The following LGALS9 variants were observed in gnomAD, a reference collection of about 807,000 sequenced individuals.
The protein encoded by LGALS9 is galectin-9.
In LGALS9, 26 loss-of-function variants were observed where a neutral mutation model predicts 35.9. The ratio of observed to expected loss-of-function variants is 0.72; its 90% CI spans 0.53 to 1.01. The LOEUF (loss-of-function observed/expected upper bound fraction) is 1.01. LGALS9 is among the 50% of genes least tolerant of loss of function. The pLI is 0.00. For missense variants in LGALS9, 347 were observed against 445.8 expected, an observed-to-expected ratio of 0.78 and a Z score of 1.99; for synonymous variants, 149 against 172.2, an observed-to-expected ratio of 0.87 and a Z score of 1.06.
At chr17:27,631,978 G>T (rs562079580) in intron 1 of LGALS9, among the ~76,000 whole-genome samples, 12 of 152,118 alleles carry the variant, frequency 7.9e-5, no homozygotes, top group African/African-American at 2.4e-4. Context: ...GAGGTGAGAG[G>T]GGGGTGAGGA....
chr17:27,637,863 G>A (rs1316292662), intron 1 of LGALS9, among the ~76,000 whole-genome samples: 4 of 151,930 alleles, frequency 2.6e-5, no homozygotes, highest in Non-Finnish European at 5.9e-5. Flanking sequence ...GCTTAGCATG[G>A]GGTCCAGCAG....
intron 10 of LGALS9, 41 bp from the exon 11 acceptor site, chr17:27,648,795 G>A (rs746944802): frequency 1.2e-6 from 2 of 1,611,974 alleles, no homozygotes; most frequent in Non-Finnish European, 1.7e-6. Flanking sequence ...GAGGGTGGAG[G>A]ACTTCCCAAG....
chr17:27,634,078 A>G (rs1436529993), intron 1 of LGALS9, among the ~76,000 whole-genome samples: 1 of 152,364 alleles, frequency 6.6e-6, no homozygotes, highest in East Asian at 1.9e-4. Flanking sequence ...TGGCTGGCCA[A>G]TCTTAAAACA....
chr17:27,646,220 C>T (rs554564618), intron 7 of LGALS9, among the ~76,000 whole-genome samples: 1 of 152,154 alleles, frequency 6.6e-6, no homozygotes, highest in African/African-American at 2.4e-5. Flanking sequence ...GGTTCCTGGC[C>T]CTGCATCCTG....
chr17:27,639,648 C>T (rs1904331284), intron 2 of LGALS9, among the ~76,000 whole-genome samples: 1 of 152,182 alleles, frequency 6.6e-6, no homozygotes. Flanking sequence ...TAGCTCACTG[C>T]AGCCTCAAAT....
At chr17:27,635,327 C>A (rs998345810) in intron 1 of LGALS9, among the ~76,000 whole-genome samples, 7 of 151,982 alleles carry the variant, frequency 4.6e-5, no homozygotes, top group African/African-American at 1.7e-4. Context: ...TTTGTCCCAG[C>A]TATTCGGGAG....
At chr17:27,644,892 A>T (rs557260501) in intron 5 of LGALS9, 35 of 179,266 alleles carry the variant, frequency 2.0e-4, no homozygotes, top group Admixed American at 3.0e-4. Context: ...TCGTTGCCTC[A>T]CTAGGGACAC....
chr17:27,645,950 T>C (rs769446308), intron 7 of LGALS9, 39 bp downstream of exon 7: 96 of 1,612,204 alleles, frequency 6.0e-5, no homozygotes, highest in Non-Finnish European at 8.1e-5. Flanking sequence ...AGCTGCACAG[T>C]GTCCTCCTTC....
In LGALS9 at chr17:27,640,699, A is replaced by C. The variant is rs1036703808; in HGVS notation, c.259A>C (p.Arg87=). The C allele has an allele frequency of 6.2e-6, 10 of 1,614,052 alleles. No individual in the cohort carries two copies. In the African/African-American group the frequency reaches 1.2e-4, roughly 19 times the overall value. ...GAACGGAAGCTGGGGGCCCGAGGAG[A>C]GGAAGACACACATGCCTTTCCAGAA... ...RQNGSWGPEE[R]KTHMPFQKGM... The change falls in exon 3 of 11, where the codon AGG becomes CGG. Residue 87 remains arginine, a synonymous_variant. Coordinates refer to ENST00000395473, the MANE Select transcript of LGALS9 (RefSeq NM_009587.3).
intron 1 of LGALS9, 103 bp downstream of exon 1, chr17:27,631,407 C>A: frequency 6.8e-7 from 1 of 1,471,564 alleles, no homozygotes; most frequent in African/African-American, 1.4e-5. Context: ...GGGGTGGGGG[C>A]ATCCCAAAGA....
At chr17:27,632,728 G>C (rs537291890) in intron 1 of LGALS9, among the ~76,000 whole-genome samples, 1 of 152,170 alleles carries the variant, frequency 6.6e-6, no homozygotes, top group Non-Finnish European at 1.5e-5. Flanking sequence ...ATTATCCTAC[G>C]GACATCAGAG....
Position 27,636,785 on chromosome 17 carries a change from A to G in LGALS9, c.40-1478A>G, listed in dbSNP as rs58993109. Among the ~76,000 whole-genome samples, 1,183 of 152,148 alleles carry G rather than the reference A, an allele frequency of 7.8e-3. 15 individuals are homozygous for G. Among genetic ancestry groups the G allele is most frequent in the African/African-American group, 0.027 (1,106 of 41,494 alleles). On this transcript the variant is annotated intron_variant, in intron 1 of 10. Coordinates refer to ENST00000395473, the MANE Select transcript of LGALS9 (RefSeq NM_009587.3). ...ACTGTGCCCAGCCAGGAGCTTTTAC[A>G]TAATCCTTTTTGACAAATTTTCCCC...
At chr17:27,641,761 G>A (rs1598184329) in intron 3 of LGALS9, among the ~76,000 whole-genome samples, 1 of 152,088 alleles carries the variant, frequency 6.6e-6, no homozygotes, top group Non-Finnish European at 1.5e-5. Context: ...ATCGCTTCAG[G>A]TCAGGAGTCC....
rs371924316 is a variant in LGALS9, at chr17:27,647,092, A to G, written c.732A>G (p.Ser244=). Residue 244 remains serine, a synonymous_variant, in exon 9 of 11, where the codon TCA becomes TCG. Coordinates refer to ENST00000395473, the MANE Select transcript of LGALS9 (RefSeq NM_009587.3). ...ACCCATCCAAGTCCATCCTCCTGTC[A>G]GGCACTGTCCTGCCCAGTGCTCAGA... ...GLYPSKSILL[S]GTVLPSAQRF... is the part of the protein sequence containing the mutation. 1.2e-6 allele frequency: 2 copies of G among 1,614,162 alleles called. No individual in the cohort carries two copies. The highest frequency in any genetic ancestry group is 1.1e-5 in the South Asian group (1 of 91,082).
chr17:27,647,080 C>T lies in LGALS9; in HGVS notation c.720C>T (p.Ser240=). The change falls in exon 9 of 11, where the codon TCC becomes TCT. Residue 240 remains serine, a synonymous_variant. Coordinates refer to ENST00000395473, the MANE Select transcript of LGALS9 (RefSeq NM_009587.3). ...TILGGLYPSK[S]ILLSGTVLPS... Reference sequence around the variant, plus strand: ...TGGGAGGGCTGTACCCATCCAAGTCCATCCTCCTGTCAGGCACTGTCCTGC... The same window carrying T: ...TGGGAGGGCTGTACCCATCCAAGTCTATCCTCCTGTCAGGCACTGTCCTGC... 3 of 1,614,200 alleles carry T rather than the reference C, an allele frequency of 1.9e-6. No individual in the cohort carries two copies. The highest frequency in any genetic ancestry group is 2.5e-6 in the Non-Finnish European group (3 of 1,180,030).
chr17:27,631,741 G>A (rs2074395460), intron 1 of LGALS9, among the ~76,000 whole-genome samples: 2 of 152,114 alleles, frequency 1.3e-5, no homozygotes. Flanking sequence ...TTCCATATCT[G>A]TGAAGTGGGA....
In LGALS9 at chr17:27,649,171, T is replaced by G; in HGVS notation, c.*189T>G. The G allele has an allele frequency of 2.2e-6, 2 of 897,550 alleles. No individual in the cohort carries two copies. Among genetic ancestry groups the G allele is most frequent in the South Asian group, 1.7e-5 (1 of 57,344 alleles). 55.6% of individuals were successfully genotyped at this position (897,550 alleles called of 1,614,324 possible). A position where few individuals can be genotyped will look rare whatever the true frequency, so the allele number is the denominator to read the frequency against. ...GAACGGAGAAGGCAGCTGACGGGGATTGCCTTCCTCAGCCGCAGCAGCACC... is the reference window on the plus strand; with the variant it reads ...GAACGGAGAAGGCAGCTGACGGGGAGTGCCTTCCTCAGCCGCAGCAGCACC... On this transcript the variant is annotated 3_prime_UTR_variant, in exon 11 of 11. Coordinates refer to ENST00000395473, the MANE Select transcript of LGALS9 (RefSeq NM_009587.3).
At position 27,640,677 on chromosome 17, in the gene LGALS9, C is replaced by T. The variant is rs549299925; in HGVS notation, c.237C>T (p.Asn79=). 9.9e-6 allele frequency: 16 copies of T among 1,614,242 alleles called. No individual in the cohort carries two copies. Among genetic ancestry groups the T allele is most frequent in the African/African-American group, 4.0e-5 (3 of 75,068 alleles). ...ACGTGGTGTGCAACACGAGGCAGAACGGAAGCTGGGGGCCCGAGGAGAGGA... is the reference window on the plus strand; with the variant it reads ...ACGTGGTGTGCAACACGAGGCAGAATGGAAGCTGGGGGCCCGAGGAGAGGA... ...GGYVVCNTRQ[N]GSWGPEERKT... Residue 79 remains asparagine (N), a synonymous_variant, in exon 3 of 11, where the codon AAC becomes AAT. Coordinates refer to ENST00000395473, the MANE Select transcript of LGALS9 (RefSeq NM_009587.3).
chr17:27,636,985 C>T (rs982985176), intron 1 of LGALS9, among the ~76,000 whole-genome samples: 2 of 152,104 alleles, frequency 1.3e-5, no homozygotes, highest in African/African-American at 2.4e-5. Flanking sequence ...CCACCACTCC[C>T]CCACCTGGCC....
Sources: allele counts gnomAD v4.1 joint callset (sites outside exome capture counted in the v4.1 genomes callset), GRCh38; gene constraint gnomAD v4.1.1; transcripts MANE v1.5; gene names NCBI Gene and HGNC (gene_info 2026-07-23, HGNC 2026-07-21).